Variants in LYN observed in about 807,000 individuals in gnomAD.
LYN encodes the protein LYN proto-oncogene, Src family tyrosine kinase, also known as tyrosine-protein kinase Lyn.
A neutral mutation model predicts 65.0 loss-of-function variants in LYN; 12 were observed. The ratio of observed to expected loss-of-function variants is 0.18; its 90% CI spans 0.12 to 0.30. The LOEUF is 0.30. LYN is among the 10% of genes least tolerant of loss of function. The probability of loss-of-function intolerance (pLI) is 1.00; values close to 1 mark genes in which losing one functional copy is unlikely to be tolerated. For missense variants in LYN, 380 were observed against 623.2 expected, an observed-to-expected ratio of 0.61 and a Z score of 4.16; for synonymous variants, 222 against 221.2, an observed-to-expected ratio of 1.00 and a Z score of -0.03.
intron 1 of LYN, among the ~76,000 whole-genome samples, chr8:55,915,510 G>T (rs933173943): frequency 6.6e-6 from 1 of 152,086 alleles, no homozygotes; most frequent in East Asian, 1.9e-4. Context: ...TTTGAGACCA[G>T]CCTGGTCAAC....
At chr8:55,950,871 G>A in intron 6 of LYN, 87 bp downstream of exon 6, 3 of 944,824 alleles carry the variant, frequency 3.2e-6, no homozygotes, top group Non-Finnish European at 5.1e-6. Flanking sequence ...GGGGAAAAAA[G>A]GGCATATAGT....
chr8:56,000,968 T>A (rs2719248), intron 12 of LYN, among the ~76,000 whole-genome samples: 44,905 of 151,974 alleles, frequency 0.3, 7,623 homozygotes, highest in African/African-American at 0.46. Context: ...GAGACTGATG[T>A]TTATCAAACA....
At chr8:55,978,999 A>T (rs1465877538) in intron 10 of LYN, among the ~76,000 whole-genome samples, 1 of 151,480 alleles carries the variant, frequency 6.6e-6, no homozygotes, top group African/African-American at 2.4e-5. Flanking sequence ...CTCACTCTTG[A>T]AAAAAATGTG....
Position 55,968,288 on chromosome 8 carries a change from C to T in LYN, c.973+1391C>T, listed in dbSNP as rs1241623275. On this transcript the variant is annotated intron_variant, in intron 9 of 12. Coordinates refer to ENST00000519728, the MANE Select transcript of LYN (RefSeq NM_002350.4). ...TTTATTTTTTTGAGACAGAGTCTCA[C>T]TCTATCACCCAGGCTGGAGTGCAGT... Among the ~76,000 whole-genome samples, 6 of 152,276 alleles carry T rather than the reference C, an allele frequency of 3.9e-5. No homozygotes were observed. In the East Asian group the frequency reaches 9.6e-4, roughly 24 times the overall value.
chr8:56,013,227 C>T lies in LYN; in HGVS notation c.*3117C>T, dbSNP rs777645315. On this transcript the variant is annotated 3_prime_UTR_variant, in exon 13 of 13. Transcript: ENST00000519728. Reference sequence around the variant, plus strand: ...GCACTGAAAGCATCATAAGTATAAACTCATCTCCACGTCAGCTTGTGGAGT... The same window carrying T: ...GCACTGAAAGCATCATAAGTATAAATTCATCTCCACGTCAGCTTGTGGAGT... 1 of 151,794 alleles carries T rather than the reference C, an allele frequency of 6.6e-6. No homozygotes were observed. The highest frequency in any genetic ancestry group is 2.4e-5 in the African/African-American group (1 of 41,286). 9.4% of individuals were successfully genotyped at this position (151,794 alleles called of 1,614,324 possible). A position where few individuals can be genotyped will look rare whatever the true frequency, so the allele number is the denominator to read the frequency against.
chr8:55,918,428 T>C (rs889843594), intron 1 of LYN, among the ~76,000 whole-genome samples: 2 of 152,208 alleles, frequency 1.3e-5, no homozygotes, highest in African/African-American at 4.8e-5. Context: ...AGCCGGGACA[T>C]TTGCATTTTT....
At chr8:55,969,638 A>G in intron 9 of LYN, 79 bp from the exon 10 acceptor site, 1 of 1,026,556 alleles carries the variant, frequency 9.7e-7, no homozygotes, top group South Asian at 1.3e-5. Flanking sequence ...CCCCTGTAAT[A>G]GTAATGATGA....
chr8:55,940,838 C>A (rs1307870354), intron 1 of LYN, among the ~76,000 whole-genome samples: 5 of 152,188 alleles, frequency 3.3e-5, no homozygotes, highest in Non-Finnish European at 7.3e-5. Context: ...TAGATGTGCA[C>A]CGTGTGTTGT....
chr8:55,965,398 C>T (rs1807422668), intron 8 of LYN, among the ~76,000 whole-genome samples: 1 of 152,154 alleles, frequency 6.6e-6, no homozygotes, highest in Non-Finnish European at 1.5e-5. Context: ...GCTCCCTGTC[C>T]TTTTAGTGGG....
rs146572080 is a variant in LYN at position 55,998,094 on chromosome 8, A to G, written c.1051-252A>G. 2.8e-3 allele frequency among the ~76,000 whole-genome samples: 425 copies of G among 152,220 alleles called. 5 individuals are homozygous for G. The highest frequency in any genetic ancestry group is 0.01 in the East Asian group (53 of 5,186). On this transcript the variant is annotated intron_variant, in intron 10 of 12. Transcript: ENST00000519728. ...GCGAGACTCCGTCTCAAGAAAAAAA[A>G]AGAAAATGTTAAGACATGTTCCTTT...
intron 10 of LYN, among the ~76,000 whole-genome samples, chr8:55,976,948 G>C (rs1348908398): frequency 1.3e-5 from 2 of 152,150 alleles, no homozygotes. Flanking sequence ...ACTTTGGGAG[G>C]CCGAGGTGGG....
At chr8:55,881,715 A>T (rs1804658183) in intron 1 of LYN, among the ~76,000 whole-genome samples, 1 of 152,214 alleles carries the variant, frequency 6.6e-6, no homozygotes. Context: ...GATTTGGGAT[A>T]AGCCACTTGG....
chr8:55,955,973 T>C (rs1049858102), intron 8 of LYN, among the ~76,000 whole-genome samples: 1 of 152,254 alleles, frequency 6.6e-6, no homozygotes, highest in African/African-American at 2.4e-5. Flanking sequence ...AATAATGCTG[T>C]ATGAATGTTC....
Position 55,892,489 on chromosome 8 carries a change from T to G in LYN, c.-6+12386T>G, listed in dbSNP as rs577996944. Among the ~76,000 whole-genome samples, 20 of 152,280 alleles carry G rather than the reference T, an allele frequency of 1.3e-4. 1 individual carries two copies. The South Asian group carries it at 3.7e-3, about 28-fold the overall frequency. On this transcript the variant is annotated intron_variant, in intron 1 of 12. Coordinates refer to ENST00000519728, the MANE Select transcript of LYN (RefSeq NM_002350.4). The stretch of plus-strand genomic sequence containing the variant: ...GGTGCTTCCTGATTTGATGATACAG[T>G]TATATTAATATTTCTAGCCATGCAC...
Position 55,953,874 on chromosome 8 carries a change from T to G in LYN, c.680T>G (p.Ile227Ser). 1 of 1,614,054 alleles carries G rather than the reference T, an allele frequency of 6.2e-7. No homozygotes were observed. The highest frequency in any genetic ancestry group is 1.6e-4 in the Middle Eastern group (1 of 6,062). ...GLCRRLEKAC[I>S]SPKPQKPWDK... Reference sequence around the variant, plus strand: ...TGCAGAAGATTGGAGAAGGCTTGTATTAGTCCCAAGCCACAGAAGCCATGG... The same window carrying G: ...TGCAGAAGATTGGAGAAGGCTTGTAGTAGTCCCAAGCCACAGAAGCCATGG... The change falls in exon 8 of 13, where the codon ATT (isoleucine) becomes AGT (serine). Residue 227 changes from isoleucine to serine, a missense_variant. Ile to Ser is a moderately radical substitution (Grantham distance 142, BLOSUM62 -2). This residue lies in a region of LYN where 223 missense variants were observed against 430.0 expected (regional missense o/e 0.52). Coordinates refer to ENST00000519728, the MANE Select transcript of LYN (RefSeq NM_002350.4).
In LYN at chr8:55,953,841, A is replaced by G. The variant is rs769802335; in HGVS notation, c.647A>G (p.Asp216Gly). The change falls in exon 8 of 13, where the codon GAT becomes GGT. Residue 216 changes from aspartate (D) to glycine (G), a missense_variant. This residue lies in a region of LYN where 223 missense variants were observed against 430.0 expected (regional missense o/e 0.52). Coordinates refer to ENST00000519728, the MANE Select transcript of LYN (RefSeq NM_002350.4). Reference sequence around the variant, plus strand: ...TTCCCTTTCAAATTAGAGCAGGCAGATGGCTTGTGCAGAAGATTGGAGAAG... The same window carrying G: ...TTCCCTTTCAAATTAGAGCAGGCAGGTGGCTTGTGCAGAAGATTGGAGAAG... ...DMIKHYQKQADGLCRRLEKAC... is the reference protein window; with the variant it reads ...DMIKHYQKQAGGLCRRLEKAC... 6.2e-7 allele frequency: 1 copy of G among 1,613,848 alleles called. No homozygotes were observed. Among genetic ancestry groups the G allele is most frequent in the Non-Finnish European group, 8.5e-7 (1 of 1,179,906 alleles).
intron 10 of LYN, among the ~76,000 whole-genome samples, chr8:55,973,970 A>G (rs1319353628): frequency 6.6e-6 from 1 of 152,246 alleles, no homozygotes; most frequent in East Asian, 1.9e-4. Context: ...TGTTGTAATT[A>G]TCATGGCAAC....
intron 10 of LYN, 62 bp downstream of exon 10, chr8:55,969,855 C>A: frequency 1.5e-6 from 2 of 1,377,146 alleles, no homozygotes; most frequent in South Asian, 1.2e-5. Context: ...GCGTCAAATT[C>A]ATGAAGGAGT....
chr8:55,929,124 G>A (rs1435843332), intron 1 of LYN, among the ~76,000 whole-genome samples: 1 of 152,094 alleles, frequency 6.6e-6, no homozygotes, highest in Non-Finnish European at 1.5e-5. Flanking sequence ...CTATTTCTGG[G>A]CTGTTTATTC....
Sources: gnomAD v4.1 joint callset for allele counts (sites outside exome capture counted in the v4.1 genomes callset) on GRCh38, gnomAD v4.1.1 for gene constraint, gnomAD v4.1.1 regional missense constraint, MANE v1.5 for transcripts, NCBI Gene and HGNC (gene_info 2026-07-23, HGNC 2026-07-21) for gene names.